Variants in ESRRG observed in about 807,000 individuals in gnomAD.
ESRRG encodes the protein estrogen-related receptor gamma.
A neutral mutation model predicts 44.0 loss-of-function variants in ESRRG; 13 were observed. The observed-to-expected ratio is 0.30, with a 90% CI of 0.19 to 0.47. ESRRG has a LOEUF of 0.47. Among genes scored for constraint, ESRRG ranks in the 20% least tolerant of loss-of-function variants. The probability of loss-of-function intolerance (pLI) is 1.00; values close to 1 mark genes in which losing one functional copy is unlikely to be tolerated. For missense variants in ESRRG, 395 were observed against 580.6 expected (o/e 0.68, Z 3.29); for synonymous variants, 215 against 214.6 (o/e 1.00, Z -0.02).
At chr1:217,127,920 C>A (rs1005765103) in intron 1 of ESRRG, among the ~76,000 whole-genome samples, 1 of 152,024 alleles carries the variant, frequency 6.6e-6, no homozygotes, top group African/African-American at 2.4e-5. Context: ...TCCTTTTTGT[C>A]CCCACAATAA....
At chr1:216,722,831 T>A (rs1188917364) in intron 1 of ESRRG, among the ~76,000 whole-genome samples, 2 of 152,200 alleles carry the variant, frequency 1.3e-5, no homozygotes, top group East Asian at 3.9e-4. Flanking sequence ...TCTGTCAAAC[T>A]GCAAATACAT....
Position 216,540,299 on chromosome 1 carries a change from T to C in ESRRG, c.863-20878A>G, listed in dbSNP as rs12065142. Among the ~76,000 whole-genome samples, 1,421 of 152,138 alleles carry C rather than the reference T, an allele frequency of 9.3e-3. 20 individuals carry two copies. Among genetic ancestry groups the C allele is most frequent in the African/African-American group, 0.033 (1,353 of 41,548 alleles). ...TCTATGCAGAAAAAGATTCTATAGA[T>C]CATGTGGCACACATATTTTTCATTT... On this transcript the variant is annotated intron_variant, in intron 5 of 6. Transcript: ENST00000408911.
chr1:217,032,655 T>C (rs146730588), intron 1 of ESRRG, among the ~76,000 whole-genome samples: 2 of 152,352 alleles, frequency 1.3e-5, no homozygotes, highest in African/African-American at 4.8e-5. Context: ...GATATTTTAT[T>C]ATTTGTTTCA....
chr1:217,066,049 G>T (rs2089603911), intron 1 of ESRRG, among the ~76,000 whole-genome samples: 1 of 152,118 alleles, frequency 6.6e-6, no homozygotes, highest in South Asian at 2.1e-4. Context: ...TTATCATGTG[G>T]ACAGTCACTC....
At chr1:217,053,947 C>T (rs571891105) in intron 1 of ESRRG, among the ~76,000 whole-genome samples, 1 of 151,882 alleles carries the variant, frequency 6.6e-6, no homozygotes, top group Admixed American at 6.6e-5. Context: ...GCCAATTCCT[C>T]AGCAGCTGTG....
intron 1 of ESRRG, among the ~76,000 whole-genome samples, chr1:216,713,898 C>T (rs535476948): frequency 5.3e-5 from 8 of 152,258 alleles, no homozygotes; most frequent in Non-Finnish European, 1.0e-4. Context: ...ATCAGCATTT[C>T]GAAAAGCTCT....
In ESRRG at chr1:217,045,449, G is replaced by A. The variant is rs927964006; in HGVS notation, c.-106+44058C>T. ...GTGAAAGGATCTGCAGAGTTGACTC[G>A]GGTATTAAAAGTGGGAGAAAAGGGG... On this transcript the variant is annotated intron_variant, in intron 1 of 7. Transcript: ENST00000359162. 3.9e-5 allele frequency among the ~76,000 whole-genome samples: 6 copies of A among 152,256 alleles called. No individual in the cohort carries two copies. The East Asian group carries it at 7.7e-4, about 20-fold the overall frequency.
rs557867005 is a variant in ESRRG at position 216,749,755 on chromosome 1, C to T, written c.-13-72264G>A. Among the ~76,000 whole-genome samples the T allele has an allele frequency of 1.8e-3, 274 of 152,110 alleles. 1 individual carries two copies. Among genetic ancestry groups the T allele is most frequent in the Non-Finnish European group, 2.9e-3 (196 of 67,992 alleles). On this transcript the variant is annotated intron_variant, in intron 2 of 7. Transcript: ENST00000359162. ...AAATCATTACTGGGAAGTATAATTACGCAAAGGAGAAAACTAGATATTAAT... is the reference window on the plus strand; with the variant it reads ...AAATCATTACTGGGAAGTATAATTATGCAAAGGAGAAAACTAGATATTAAT...
At chr1:217,064,556 T>C (rs940656349) in intron 1 of ESRRG, among the ~76,000 whole-genome samples, 2 of 152,172 alleles carry the variant, frequency 1.3e-5, no homozygotes, top group Non-Finnish European at 2.9e-5. Flanking sequence ...CTTCCTGATG[T>C]GTTTTAATTC....
At chr1:216,741,634 G>C (rs1044498949) in intron 2 of ESRRG, among the ~76,000 whole-genome samples, 5 of 152,124 alleles carry the variant, frequency 3.3e-5, no homozygotes, top group Non-Finnish European at 7.4e-5. Flanking sequence ...TCTCATCTCA[G>C]AATGCTTAGA....
chr1:216,942,613 T>C (rs1451131929), intron 1 of ESRRG, among the ~76,000 whole-genome samples: 1 of 152,160 alleles, frequency 6.6e-6, no homozygotes, highest in East Asian at 1.9e-4. Flanking sequence ...CTCTTACTGG[T>C]GTAGGATGGT....
At chr1:216,741,999 T>C (rs1233736750) in intron 2 of ESRRG, among the ~76,000 whole-genome samples, 2 of 152,168 alleles carry the variant, frequency 1.3e-5, no homozygotes, top group Non-Finnish European at 1.5e-5. Context: ...TCAAGTACTT[T>C]TACCCCACAT....
At chr1:216,598,887 A>G (rs1176398915) in intron 3 of ESRRG, among the ~76,000 whole-genome samples, 1 of 152,244 alleles carries the variant, frequency 6.6e-6, no homozygotes, top group Non-Finnish European at 1.5e-5. Flanking sequence ...ATACAAAGAC[A>G]CAATTCTGAC....
chr1:217,092,178 T>C (rs1396268565), upstream of ESRRG, among the ~76,000 whole-genome samples: 4 of 152,208 alleles, frequency 2.6e-5, no homozygotes, highest in African/African-American at 4.8e-5. Flanking sequence ...CCGCTCTCTG[T>C]TGCTTATTCA....
chr1:217,115,833 T>C (rs1191975777), intron 1 of ESRRG, among the ~76,000 whole-genome samples: 2 of 152,258 alleles, frequency 1.3e-5, no homozygotes, highest in East Asian at 1.9e-4. Context: ...ACTAAGTATC[T>C]CTTCACTAGA....
intron 4 of ESRRG, among the ~76,000 whole-genome samples, chr1:216,565,153 T>G (rs2059462016): frequency 6.6e-6 from 1 of 152,212 alleles, no homozygotes; most frequent in Non-Finnish European, 1.5e-5. Context: ...GTGATATATG[T>G]TTTAAAAATC....
intron 5 of ESRRG, among the ~76,000 whole-genome samples, chr1:216,542,025 T>A (rs1479769142): frequency 6.6e-6 from 1 of 151,114 alleles, no homozygotes; most frequent in Non-Finnish European, 1.5e-5. Context: ...TAATTCTTCA[T>A]GAAATGGATA....
rs2076293277 is a variant in ESRRG, at chr1:216,677,429, T to C, written c.119A>G (p.Lys40Arg). 2 of 1,614,052 alleles carry C rather than the reference T, an allele frequency of 1.2e-6. No individual in the cohort carries two copies. Among genetic ancestry groups the C allele is most frequent in the Non-Finnish European group, 1.7e-6 (2 of 1,179,996 alleles). ...HIDSSCSSFIKTEPSSPASLT... is the reference protein window; with the variant it reads ...HIDSSCSSFIRTEPSSPASLT... ...GGAGGCTGGGCTGGAAGGTTCCGTC[T>C]TGATGAAGGACGAACAGCTGGAATC... is the stretch of plus-strand genomic sequence containing the variant. Residue 40 changes from lysine to arginine, a missense_variant, in exon 2 of 7, where the codon AAG (lysine) becomes AGG (arginine). Lys to Arg is a conservative substitution (Grantham distance 26). Around this residue, in one of 5 missense-constraint regions of ESRRG, gnomAD observed 148 missense variants for 150.4 expected, o/e 0.98. Coordinates refer to ENST00000408911, the MANE Select transcript of ESRRG (RefSeq NM_001438.4).
At chr1:216,882,932 C>T (rs2096466533) in intron 2 of ESRRG, among the ~76,000 whole-genome samples, 1 of 149,542 alleles carries the variant, frequency 6.7e-6, no homozygotes, top group African/African-American at 2.5e-5. Context: ...AAATCATTGT[C>T]TGAAAAAAAA....
Sources: gnomAD v4.1 joint callset for allele counts (sites outside exome capture counted in the v4.1 genomes callset) on GRCh38, gnomAD v4.1.1 for gene constraint, gnomAD v4.1.1 regional missense constraint, MANE v1.5 for transcripts, NCBI Gene and HGNC (gene_info 2026-07-23, HGNC 2026-07-21) for gene names.